SLC4A10: variants seen among roughly 807,000 people sequenced by gnomAD.
SLC4A10 encodes solute carrier family 4 member 10.
Under a neutral mutation model 137.7 loss-of-function variants are expected in SLC4A10, and 42 were observed. The ratio of observed to expected loss-of-function variants is 0.30; its 90% CI spans 0.24 to 0.39. The LOEUF is 0.39. Among genes scored for constraint, SLC4A10 ranks in the 10% least tolerant of loss-of-function variants. The pLI is 1.00. For missense variants in SLC4A10, 925 were observed against 1,355.0 expected (o/e 0.68, Z 4.98); for synonymous variants, 474 against 464.1 (o/e 1.02, Z -0.27).
At chr2:161,656,129 A>G (rs2037500008) in intron 1 of SLC4A10, among the ~76,000 whole-genome samples, 1 of 152,114 alleles carries the variant, frequency 6.6e-6, no homozygotes, top group South Asian at 2.1e-4. Context: ...CTTTTAATAC[A>G]TCATGACTGA....
rs2052911395 is a variant in SLC4A10 at position 161,780,750 on chromosome 2, A to G, written c.130+9696A>G. Reference sequence around the variant, plus strand: ...CTTTATTGCATGTAAAGTAATTCAAATAGAATATAGTTTACAATTTTCTTC... The same window carrying G: ...CTTTATTGCATGTAAAGTAATTCAAGTAGAATATAGTTTACAATTTTCTTC... On this transcript the variant is annotated intron_variant, in intron 2 of 26. Transcript: ENST00000446997. Among the ~76,000 whole-genome samples the G allele has an allele frequency of 2.6e-5, 4 of 152,162 alleles. No individual in the cohort carries two copies. In the South Asian group the frequency reaches 8.3e-4, roughly 32 times the overall value.
rs2061868243 is a variant in SLC4A10, at chr2:161,882,402, C to T, written c.1152C>T (p.Tyr384=). 1.3e-6 allele frequency: 2 copies of T among 1,599,846 alleles called. No homozygotes were observed. The highest frequency in any genetic ancestry group is 2.7e-5 in the African/African-American group (2 of 74,580). ...LLGPLGKGQQ[Y]HEIGRSIATL... ...GACCCCTGGGAAAGGGTCAACAGTA[C>T]CATGAGATTGGCAGATCAATTGCAA... Residue 384 remains tyrosine (Y), a synonymous_variant, in exon 10 of 27, where the codon TAC becomes TAT. Transcript: ENST00000446997.
At chr2:161,907,625 A>G (rs1559509435) in intron 15 of SLC4A10, among the ~76,000 whole-genome samples, 3 of 152,182 alleles carry the variant, frequency 2.0e-5, no homozygotes, top group African/African-American at 7.2e-5. Flanking sequence ...CCTAACCCAG[A>G]TTTGAGGTTC....
chr2:161,965,434 A>C (rs920080781), intron 23 of SLC4A10, among the ~76,000 whole-genome samples: 2 of 152,164 alleles, frequency 1.3e-5, no homozygotes, highest in Non-Finnish European at 2.9e-5. Context: ...TCCAAATTGT[A>C]AGGCTCATTT....
In SLC4A10 at chr2:161,801,569, A is replaced by G. The variant is rs186259761; in HGVS notation, c.131-2880A>G. ...CCAAAAAGGAATTACAGGAGAGAAG[A>G]CAGTATTCTCCCCAACTGATGCTAA... is the stretch of plus-strand genomic sequence containing the variant. On this transcript the variant is annotated intron_variant, in intron 2 of 26. Coordinates refer to ENST00000446997, the MANE Select transcript of SLC4A10 (RefSeq NM_001178015.2). Among the ~76,000 whole-genome samples the G allele has an allele frequency of 1.1e-4, 17 of 152,194 alleles. No homozygotes were observed. In the East Asian group the frequency reaches 2.9e-3, roughly 26 times the overall value.
At chr2:161,635,491 G>C (rs1292326821) in intron 1 of SLC4A10, among the ~76,000 whole-genome samples, 2 of 152,228 alleles carry the variant, frequency 1.3e-5, no homozygotes, top group East Asian at 3.9e-4. Context: ...TAATGGGTCT[G>C]CTTTTGCTTT....
At chr2:161,703,813 T>C (rs1411104077) in intron 1 of SLC4A10, among the ~76,000 whole-genome samples, 2 of 151,808 alleles carry the variant, frequency 1.3e-5, no homozygotes, top group East Asian at 1.9e-4. Flanking sequence ...GTTGTTTTAT[T>C]TGAGGCACAA....
chr2:161,774,905 T>A (rs2052125595), intron 2 of SLC4A10, among the ~76,000 whole-genome samples: 1 of 151,866 alleles, frequency 6.6e-6, no homozygotes. Flanking sequence ...AATTGATCAT[T>A]TCCCTGTTCC....
intron 3 of SLC4A10, among the ~76,000 whole-genome samples, chr2:161,807,110 A>G (rs2056062505): frequency 6.6e-6 from 1 of 152,096 alleles, no homozygotes; most frequent in Non-Finnish European, 1.5e-5. Context: ...AATAACCATC[A>G]GATCTCATGG....
chr2:161,955,642 C>A (rs1485937907), intron 19 of SLC4A10, among the ~76,000 whole-genome samples: 2 of 152,138 alleles, frequency 1.3e-5, no homozygotes. Flanking sequence ...GAAAGTACAA[C>A]TGACTTTAAG....
chr2:161,904,073 T>C lies in SLC4A10; in HGVS notation c.1512T>C (p.Ala504=), dbSNP rs370796586. ...APYFWSDFRD[A]FSLQCLASFL... ...ACTTCTGGAGTGACTTCAGAGATGC[T>C]TTCAGCCTGCAGTGCTTAGCATCTT... Residue 504 remains alanine, a synonymous_variant, in exon 13 of 27, where the codon GCT becomes GCC. Transcript: ENST00000446997. 11 of 1,602,288 alleles carry C rather than the reference T, an allele frequency of 6.9e-6. No individual in the cohort carries two copies. Among genetic ancestry groups the C allele is most frequent in the Admixed American group, 3.4e-5 (2 of 58,190 alleles).
chr2:161,805,664 C>T (rs2055866974), intron 3 of SLC4A10, among the ~76,000 whole-genome samples: 1 of 152,222 alleles, frequency 6.6e-6, no homozygotes, highest in Non-Finnish European at 1.5e-5. Context: ...TCTCCTTTTA[C>T]TCCATGTCTC....
intron 1 of SLC4A10, among the ~76,000 whole-genome samples, chr2:161,767,094 CATATATATATATAT>C (rs770704286): frequency 0.12 from 4,842 of 40,264 alleles, 283 homozygotes; most frequent in East Asian, 0.21. Flanking sequence ...AATTAAGAAG[CATATATATATATAT>C]ATATATATAT....
chr2:161,692,731 T>A (rs1407936008), intron 1 of SLC4A10, among the ~76,000 whole-genome samples: 1 of 152,048 alleles, frequency 6.6e-6, no homozygotes. Flanking sequence ...TCTAAAAACC[T>A]CCAATGACTT....
At chr2:161,654,939 A>T (rs1354029055) in intron 1 of SLC4A10, among the ~76,000 whole-genome samples, 1 of 152,058 alleles carries the variant, frequency 6.6e-6, no homozygotes, top group Non-Finnish European at 1.5e-5. Context: ...ATGGAGACTG[A>T]ATTGAATCTG....
At chr2:161,944,799 T>G (rs188606283) in intron 16 of SLC4A10, among the ~76,000 whole-genome samples, 75 of 151,856 alleles carry the variant, frequency 4.9e-4, no homozygotes, top group African/African-American at 1.6e-3. Context: ...ACCATTAAAA[T>G]TTTTGTCTAA....
chr2:161,981,446 A>T (rs1283023191), intron 26 of SLC4A10, among the ~76,000 whole-genome samples: 1 of 152,244 alleles, frequency 6.6e-6, no homozygotes, highest in African/African-American at 2.4e-5. Context: ...TTACAGATGA[A>T]GAAACCAAGT....
intron 1 of SLC4A10, among the ~76,000 whole-genome samples, chr2:161,643,383 T>C (rs993028542): frequency 2.0e-5 from 3 of 152,100 alleles, no homozygotes; most frequent in African/African-American, 7.2e-5. Context: ...CTATAAATAG[T>C]TTGAAAATAA....
At chr2:161,822,292 G>C (rs1009934025) in intron 3 of SLC4A10, among the ~76,000 whole-genome samples, 2 of 152,184 alleles carry the variant, frequency 1.3e-5, no homozygotes, top group South Asian at 2.1e-4. Flanking sequence ...ACAGTGATGA[G>C]AGAAAATGTT....
Sources: gnomAD v4.1 joint callset for allele counts (sites outside exome capture counted in the v4.1 genomes callset) on GRCh38, gnomAD v4.1.1 for gene constraint, MANE v1.5 for transcripts, NCBI Gene and HGNC (gene_info 2026-07-23, HGNC 2026-07-21) for gene names.